LINGO2: variants seen among roughly 807,000 people sequenced by gnomAD.
LINGO2 encodes leucine rich repeat and Ig domain containing 2.
In LINGO2, 14 loss-of-function variants were observed where a neutral mutation model predicts 30.6. The observed-to-expected ratio is 0.46, with a 90% CI of 0.30 to 0.72. The LOEUF is 0.72. LINGO2 is among the 30% of genes least tolerant of loss of function. The probability of loss-of-function intolerance (pLI) is 0.07; values close to 1 mark genes in which losing one functional copy is unlikely to be tolerated. For synonymous variants in LINGO2, 317 were observed against 288.5 expected (o/e 1.10, Z -1.00); for missense variants, 729 against 751.7 (o/e 0.97, Z 0.35).
chr9:28,800,845 T>C, the LINGO2 span, among the ~76,000 whole-genome samples: 13 of 152,238 alleles, frequency 8.5e-5, no homozygotes, highest in African/African-American at 3.1e-4. Flanking sequence ...AATGGGGTTA[T>C]ATTACAATGA....
the LINGO2 span, among the ~76,000 whole-genome samples, chr9:28,847,397 C>T: frequency 1.4e-5 from 2 of 147,272 alleles, no homozygotes; most frequent in African/African-American, 2.6e-5. Flanking sequence ...AGATTTTTTA[C>T]AGGAATCACA....
At chr9:28,774,022 AATGTC>A in the LINGO2 span, among the ~76,000 whole-genome samples, 1 of 146,576 alleles carries the variant, frequency 6.8e-6, no homozygotes, top group South Asian at 2.2e-4. Flanking sequence ...ATGTGGGCCA[AATGTC>A]ATTTTCTTTT....
intron 3 of LINGO2, among the ~76,000 whole-genome samples, chr9:28,340,382 T>C (rs1017336545): frequency 7.9e-5 from 12 of 152,146 alleles, no homozygotes; most frequent in African/African-American, 2.9e-4. Context: ...ATATGTGTGC[T>C]TCATGGAATG....
At chr9:28,080,513 T>A (rs1169919445) in intron 4 of LINGO2, 1 of 152,224 alleles carries the variant, frequency 6.6e-6, no homozygotes, top group Admixed American at 6.5e-5. Context: ...TTAGTTCAAA[T>A]AATACCTCCT....
At chr9:28,687,540 A>G in the LINGO2 span, among the ~76,000 whole-genome samples, 1 of 152,070 alleles carries the variant, frequency 6.6e-6, no homozygotes, top group Non-Finnish European at 1.5e-5. Context: ...GAGAGAGACT[A>G]TTGGTCATAA....
the LINGO2 span, among the ~76,000 whole-genome samples, chr9:28,946,108 A>G: frequency 6.6e-6 from 1 of 152,198 alleles, no homozygotes; most frequent in Non-Finnish European, 1.5e-5. Flanking sequence ...TAAGAACGAG[A>G]TGATTTACAT....
chr9:28,013,336 G>A (rs1043134724), intron 4 of LINGO2, among the ~76,000 whole-genome samples: 2 of 152,054 alleles, frequency 1.3e-5, no homozygotes, highest in African/African-American at 4.8e-5. Context: ...TGATCCAGAC[G>A]ATTGTAACAT....
At chr9:28,189,325 GAGGGAGGA>G (rs1564028792) in intron 4 of LINGO2, among the ~76,000 whole-genome samples, 13 of 18,110 alleles carry the variant, frequency 7.2e-4, no homozygotes, top group South Asian at 2.3e-3. Flanking sequence ...GGAAGGAAGG[GAGGGAGGA>G]AGGAAGGAAG....
At chr9:28,086,204 T>G (rs896584) in intron 4 of LINGO2, among the ~76,000 whole-genome samples, 1 of 151,976 alleles carries the variant, frequency 6.6e-6, no homozygotes, top group Non-Finnish European at 1.5e-5. Context: ...CATTTTTAAC[T>G]ATAAAAAAAT....
chr9:28,237,889 C>T (rs904886986), intron 4 of LINGO2, among the ~76,000 whole-genome samples: 2 of 151,822 alleles, frequency 1.3e-5, no homozygotes, highest in African/African-American at 4.8e-5. Flanking sequence ...CAAAAAAACA[C>T]TTCACTGATA....
At chr9:28,206,543 C>T (rs1027514696) in intron 4 of LINGO2, among the ~76,000 whole-genome samples, 5 of 152,058 alleles carry the variant, frequency 3.3e-5, no homozygotes, top group Admixed American at 6.6e-5. Flanking sequence ...AAATCACCAC[C>T]TTATATTAAC....
chr9:28,673,867 A>C (rs1401436672), upstream of LINGO2, among the ~76,000 whole-genome samples: 2 of 152,132 alleles, frequency 1.3e-5, no homozygotes, highest in Admixed American at 1.3e-4. Context: ...TAACGTTTAT[A>C]AACAGAAGAC....
chr9:29,033,378 C>CTATATATATATATA, the LINGO2 span, among the ~76,000 whole-genome samples: 1,322 of 140,714 alleles, frequency 9.4e-3, 13 homozygotes, highest in African/African-American at 0.028. Flanking sequence ...AACTGCTTTA[C>CTATATATATATATA]TATATATATA....
chr9:28,828,722 G>A, the LINGO2 span, among the ~76,000 whole-genome samples: 2 of 152,222 alleles, frequency 1.3e-5, no homozygotes, highest in Non-Finnish European at 2.9e-5. Flanking sequence ...GTAATCTAGA[G>A]GAAGACAGGC....
the LINGO2 span, among the ~76,000 whole-genome samples, chr9:28,809,483 C>T: frequency 5.9e-5 from 9 of 152,304 alleles, no homozygotes; most frequent in East Asian, 1.5e-3. Flanking sequence ...TGGTGGCTCA[C>T]GCCTGTAATC....
At chr9:28,006,289 A>T (rs1160814439) in intron 5 of LINGO2, among the ~76,000 whole-genome samples, 1 of 152,168 alleles carries the variant, frequency 6.6e-6, no homozygotes, top group East Asian at 1.9e-4. Context: ...CACAGAAAAC[A>T]TGGGCCTTCT....
At chr9:28,679,554 C>T in the LINGO2 span, among the ~76,000 whole-genome samples, 13 of 152,066 alleles carry the variant, frequency 8.5e-5, no homozygotes, top group African/African-American at 2.7e-4. Context: ...GACTGGCATA[C>T]GAAAAGCTGT....
chr9:28,037,339 ACTC>A (rs1823986657), intron 4 of LINGO2, among the ~76,000 whole-genome samples: 3 of 151,966 alleles, frequency 2.0e-5, no homozygotes, highest in African/African-American at 7.3e-5. Context: ...TAAACTTTAT[ACTC>A]CAGTAAGACT....
At chr9:28,783,525 C>T in the LINGO2 span, among the ~76,000 whole-genome samples, 6,847 of 152,166 alleles carry the variant, frequency 0.045, 215 homozygotes, top group Admixed American at 0.085. Flanking sequence ...GGACTAACTG[C>T]GCTCTTTGCT....
Sources: allele counts gnomAD v4.1 joint callset (sites outside exome capture counted in the v4.1 genomes callset), GRCh38; gene constraint gnomAD v4.1.1; transcripts MANE v1.5; gene names NCBI Gene and HGNC (gene_info 2026-07-23, HGNC 2026-07-21).